The following DCDC1 variants were observed in gnomAD, a reference collection of about 807,000 sequenced individuals.
The protein encoded by DCDC1 is doublecortin domain-containing protein 1.
DCDC1 carries 200 observed loss-of-function variants against 178.3 expected under a neutral mutation model. That is an observed-to-expected ratio of 1.12 (90% CI 1.00 to 1.26). The LOEUF is 1.26. Among genes scored for constraint, DCDC1 ranks in the 50% most tolerant of loss-of-function variants. DCDC1 has a pLI of 0.00. For synonymous variants in DCDC1, 690 were observed against 604.8 expected (o/e 1.14, Z -2.07); for missense variants, 1,983 against 1,749.2 (o/e 1.13, Z -2.38).
chr11:31,232,595 T>C (rs1457853854), intron 9 of DCDC1, among the ~76,000 whole-genome samples: 1 of 152,170 alleles, frequency 6.6e-6, no homozygotes, highest in African/African-American at 2.4e-5. Flanking sequence ...AATCTCCTTT[T>C]CAAACTCTGC....
Position 30,994,584 on chromosome 11 carries a change from A to G in DCDC1, c.2592-42016T>C, listed in dbSNP as rs1951151036. Among the ~76,000 whole-genome samples, 5 of 147,458 alleles carry G rather than the reference A, an allele frequency of 3.4e-5. No individual in the cohort carries two copies. In the South Asian group the frequency reaches 1.1e-3, roughly 31 times the overall value. ...GCCCTTTGTAAGGGTAAAAACGTCT[A>G]GGTGGGGTGGCTCACACCTGTAATT... On this transcript the variant is annotated intron_variant, in intron 20 of 38. Coordinates refer to ENST00000684477, the MANE Select transcript of DCDC1 (RefSeq NM_001387274.1).
At chr11:31,077,548 A>C (rs1320940038) in intron 18 of DCDC1, among the ~76,000 whole-genome samples, 1 of 152,208 alleles carries the variant, frequency 6.6e-6, no homozygotes, top group Non-Finnish European at 1.5e-5. Context: ...GTTCAACAGT[A>C]GTAGATACTG....
intron 20 of DCDC1, among the ~76,000 whole-genome samples, chr11:31,037,386 G>A (rs1954111842): frequency 6.6e-6 from 1 of 150,690 alleles, no homozygotes; most frequent in Non-Finnish European, 1.5e-5. Flanking sequence ...TGATTACCAG[G>A]CTCTACCTAA....
At chr11:30,894,440 A>G (rs1471296481) in intron 34 of DCDC1, 56 bp from the exon 35 acceptor site, 1 of 1,593,710 alleles carries the variant, frequency 6.3e-7, no homozygotes, top group Non-Finnish European at 8.5e-7. Flanking sequence ...TCAGATTTCA[A>G]ATAAACTGAT....
chr11:30,893,085 G>A (rs1943920918), intron 35 of DCDC1, 88 bp from the exon 36 acceptor site: 4 of 1,439,862 alleles, frequency 2.8e-6, no homozygotes, highest in African/African-American at 1.4e-5. Context: ...GATATATCTT[G>A]TAATTAATAA....
intron 20 of DCDC1, among the ~76,000 whole-genome samples, chr11:30,986,767 T>C (rs1950672429): frequency 6.6e-6 from 1 of 152,170 alleles, no homozygotes; most frequent in Admixed American, 6.5e-5. Context: ...CAATCAGTAG[T>C]TTCTTTTCCA....
At chr11:30,926,415 T>C (rs1258349786) in intron 22 of DCDC1, among the ~76,000 whole-genome samples, 1 of 152,158 alleles carries the variant, frequency 6.6e-6, no homozygotes, top group Non-Finnish European at 1.5e-5. Context: ...TGTGGTGTTA[T>C]CAGGTCTGCT....
intron 1 of DCDC1, among the ~76,000 whole-genome samples, chr11:31,365,635 A>C (rs981328385): frequency 1.3e-5 from 2 of 152,160 alleles, no homozygotes; most frequent in Non-Finnish European, 2.9e-5. Context: ...GTTTACGGGC[A>C]GGCGTGTACC....
chr11:30,984,916 TAC>T (rs1210401044), intron 20 of DCDC1, among the ~76,000 whole-genome samples: 2 of 152,092 alleles, frequency 1.3e-5, no homozygotes, highest in Non-Finnish European at 2.9e-5. Flanking sequence ...AGGCAAGAAA[TAC>T]AGTTTTTCCT....
chr11:31,151,604 G>T (rs1033309065), intron 9 of DCDC1, among the ~76,000 whole-genome samples: 9 of 152,082 alleles, frequency 5.9e-5, no homozygotes, highest in Non-Finnish European at 1.3e-4. Context: ...AACAATTAAT[G>T]AATACTCAGA....
chr11:30,951,524 G>A (rs758667967), intron 21 of DCDC1, among the ~76,000 whole-genome samples: 7 of 151,938 alleles, frequency 4.6e-5, no homozygotes, highest in Non-Finnish European at 8.8e-5. Flanking sequence ...AAAAATTGGG[G>A]ATAACTCTAA....
At chr11:31,129,487 T>C (rs868545509) in intron 10 of DCDC1, among the ~76,000 whole-genome samples, 1 of 152,064 alleles carries the variant, frequency 6.6e-6, no homozygotes, top group African/African-American at 2.4e-5. Context: ...TATCTAACCC[T>C]ACAATTGTAT....
intron 7 of DCDC1, among the ~76,000 whole-genome samples, chr11:31,286,137 T>C (rs1298865248): frequency 6.6e-6 from 1 of 152,072 alleles, no homozygotes; most frequent in Non-Finnish European, 1.5e-5. Context: ...CTGGAGACAT[T>C]TGTTGAAATT....
At chr11:31,106,043 T>A (rs1317402452) in intron 13 of DCDC1, among the ~76,000 whole-genome samples, 1 of 152,184 alleles carries the variant, frequency 6.6e-6, no homozygotes, top group Non-Finnish European at 1.5e-5. Context: ...AAAATATGCA[T>A]AAATTTCCTA....
At chr11:31,334,465 G>C (rs1950168992) in intron 2 of DCDC1, among the ~76,000 whole-genome samples, 2 of 152,112 alleles carry the variant, frequency 1.3e-5, no homozygotes, top group African/African-American at 4.8e-5. Flanking sequence ...GAGGTGCTCT[G>C]GTTTTTAGAA....
rs151052856 is a variant in DCDC1, at chr11:30,906,615, T to C, written c.4029A>G (p.Pro1343=). ...TCTTGGTGCCTGAAATACAGAGGAA[T>C]GGAACCCCTGGAAGCAATTGTTTCA... ...KGLKQLLPGV[P]FLCISGTKTQ... Residue 1343 remains proline (P), a synonymous_variant, in exon 30 of 39, where the codon CCA becomes CCG. Transcript: ENST00000684477. 85 of 1,613,502 alleles carry C rather than the reference T, an allele frequency of 5.3e-5. No homozygotes were observed. The African/African-American group carries it at 1.0e-3, about 20-fold the overall frequency.
chr11:31,170,650 C>T (rs1967090382), intron 9 of DCDC1, among the ~76,000 whole-genome samples: 1 of 152,090 alleles, frequency 6.6e-6, no homozygotes, highest in South Asian at 2.1e-4. Context: ...TCTGATGTTT[C>T]ATCTAGCTAC....
intron 25 of DCDC1, among the ~76,000 whole-genome samples, chr11:30,918,044 G>GT (rs1448425399): frequency 6.2e-5 from 9 of 145,844 alleles, no homozygotes; most frequent in South Asian, 2.2e-4. Flanking sequence ...TCCCTTTACA[G>GT]TTAAAAAAAA....
intron 1 of DCDC1, among the ~76,000 whole-genome samples, chr11:31,354,272 G>A (rs535417384): frequency 1.4e-4 from 22 of 152,278 alleles, no homozygotes; most frequent in Non-Finnish European, 2.4e-4. Context: ...GTGACAGAGC[G>A]AGACTCTGTC....
Sources: gnomAD v4.1 joint callset for allele counts (sites outside exome capture counted in the v4.1 genomes callset) on GRCh38, gnomAD v4.1.1 for gene constraint, MANE v1.5 for transcripts, NCBI Gene and HGNC (gene_info 2026-07-23, HGNC 2026-07-21) for gene names.